Variants in MYO16 observed in about 807,000 individuals in gnomAD.
MYO16 encodes the protein unconventional myosin-XVI.
MYO16 carries 94 observed loss-of-function variants against 205.3 expected under a neutral mutation model. That is an observed-to-expected ratio of 0.46 (90% CI 0.39 to 0.54). MYO16 has a LOEUF of 0.54. Ranked by LOEUF, MYO16 falls within the 20% of genes least tolerant of loss-of-function variation. MYO16 has a pLI of 0.00. For synonymous variants in MYO16, 988 were observed against 954.0 expected (o/e 1.04, Z -0.66); for missense variants, 2,315 against 2,387.5 (o/e 0.97, Z 0.63).
chr13:108,613,064 G>A (rs1462786156), intron 1 of MYO16, among the ~76,000 whole-genome samples: 2 of 152,224 alleles, frequency 1.3e-5, no homozygotes, highest in South Asian at 4.1e-4. Context: ...GTAAAATAAA[G>A]TTTATGGCTT....
the MYO16 span, among the ~76,000 whole-genome samples, chr13:108,582,966 A>G: frequency 2.0e-5 from 3 of 152,218 alleles, 1 homozygote; most frequent in Non-Finnish European, 4.4e-5. Context: ...TTGTAATATT[A>G]TTATAATATT....
At position 108,766,632 on chromosome 13, in the gene MYO16, G is replaced by C. The variant is rs148823218; in HGVS notation, c.508-19003G>C. Among the ~76,000 whole-genome samples the C allele has an allele frequency of 7.1e-4, 108 of 152,314 alleles. 1 individual carries two copies. Among genetic ancestry groups the C allele is most frequent in the African/African-American group, 2.4e-3 (101 of 41,572 alleles). ...AATGTAACATTTTACAAGGCAGAGC[G>C]GGTAAATAGCGCCCAACAAGATGTG... On this transcript the variant is annotated intron_variant, in intron 4 of 34. Transcript: ENST00000457511.
chr13:108,939,558 C>T lies in MYO16; in HGVS notation c.1926-18130C>T, dbSNP rs569746961. 9.2e-5 allele frequency among the ~76,000 whole-genome samples: 14 copies of T among 152,226 alleles called. No individual in the cohort carries two copies. The South Asian group carries it at 2.9e-3, about 32-fold the overall frequency. On this transcript the variant is annotated intron_variant, in intron 16 of 34. Transcript: ENST00000457511. ...TCCTTCTGTACTATCTTGCTATTTC[C>T]AGGTGGCTGAGGCACACTGAATGCC...
At position 109,141,689 on chromosome 13, in the gene MYO16, T is replaced by C. The variant is rs193048257; in HGVS notation, c.5164+313T>C. Among the ~76,000 whole-genome samples the C allele has an allele frequency of 6.0e-4, 92 of 152,322 alleles. 1 individual carries two copies. In the East Asian group the frequency reaches 0.017, roughly 28 times the overall value. ...AGCAAGGTTAAATGTTAGCTACTAA[T>C]TTCTTTTTTTAAAAAAATATTTTTT... On this transcript the variant is annotated intron_variant, in intron 32 of 34. Transcript: ENST00000457511. This position sits in a 1 kb window ranked among gnomAD's most constrained non-coding sequence, Gnocchi z 4.1.
chr13:108,764,389 T>C (rs934306578), intron 4 of MYO16, among the ~76,000 whole-genome samples: 1 of 152,194 alleles, frequency 6.6e-6, no homozygotes, highest in Admixed American at 6.5e-5. Flanking sequence ...AAGGGCTGTA[T>C]ATCCTCAGAG....
intron 3 of MYO16, among the ~76,000 whole-genome samples, chr13:108,715,166 C>T (rs1409177386): frequency 6.6e-6 from 1 of 152,224 alleles, no homozygotes; most frequent in Non-Finnish European, 1.5e-5. Context: ...TCTGCTGACA[C>T]CGGCCACCTT....
intron 2 of MYO16, among the ~76,000 whole-genome samples, chr13:108,691,017 GTAGATGTAGGTTTTGA>G (rs1371551071): frequency 4.6e-5 from 7 of 152,202 alleles, no homozygotes; most frequent in African/African-American, 1.7e-4. Flanking sequence ...GATTCTTATG[GTAGATGTAGGTTTTGA>G]TTAATTTTAA....
chr13:108,646,114 C>T (rs140974007), intron 1 of MYO16, among the ~76,000 whole-genome samples: 1 of 152,282 alleles, frequency 6.6e-6, no homozygotes, highest in African/African-American at 2.4e-5. Flanking sequence ...CACATGTCTG[C>T]ATGAGGAGAA....
At chr13:108,833,148 A>C (rs1441314376) in intron 9 of MYO16, among the ~76,000 whole-genome samples, 7 of 152,146 alleles carry the variant, frequency 4.6e-5, no homozygotes, top group Admixed American at 4.6e-4. Context: ...CTGTTAGATT[A>C]ATATGTCTCA....
intron 34 of MYO16, among the ~76,000 whole-genome samples, chr13:109,205,081 T>G (rs1006644162): frequency 3.3e-5 from 5 of 152,126 alleles, no homozygotes; most frequent in Non-Finnish European, 7.4e-5. Flanking sequence ...AGAGGCCCAC[T>G]CTGCTCTGCA....
intron 16 of MYO16, among the ~76,000 whole-genome samples, chr13:108,932,292 A>C (rs1282941125): frequency 6.6e-6 from 1 of 152,020 alleles, no homozygotes; most frequent in African/African-American, 2.4e-5. Flanking sequence ...GTATATGTGA[A>C]GTAATTGAGC....
Position 108,945,504 on chromosome 13 carries a change from A to C in MYO16, c.1926-12184A>C, listed in dbSNP as rs573994432. Among the ~76,000 whole-genome samples the C allele has an allele frequency of 6.6e-5, 10 of 152,310 alleles. No individual in the cohort carries two copies. In the South Asian group the frequency reaches 1.9e-3, roughly 28 times the overall value. ...GAAATTATTTTTAAAATAGGAGCCAAATCCTATGCAATAGAACATTAGGTG... is the reference window on the plus strand; with the variant it reads ...GAAATTATTTTTAAAATAGGAGCCACATCCTATGCAATAGAACATTAGGTG... On this transcript the variant is annotated intron_variant, in intron 16 of 34. Coordinates refer to ENST00000457511, the MANE Select transcript of MYO16 (RefSeq NM_001198950.3).
chr13:108,643,606 C>T (rs1288917360), intron 1 of MYO16, among the ~76,000 whole-genome samples: 1 of 152,162 alleles, frequency 6.6e-6, no homozygotes. Context: ...TGGCAATCAT[C>T]CATGTTGATG....
chr13:108,557,489 C>CA, the MYO16 span, among the ~76,000 whole-genome samples: 4 of 152,122 alleles, frequency 2.6e-5, no homozygotes, highest in South Asian at 4.1e-4. Context: ...ATAACTGAAA[C>CA]AAAAGTTTCA....
chr13:108,842,127 G>A (rs1877274659), intron 9 of MYO16, among the ~76,000 whole-genome samples: 1 of 151,848 alleles, frequency 6.6e-6, no homozygotes, highest in East Asian at 1.9e-4. Flanking sequence ...AAAAAATCAA[G>A]AAGCTCCTCA....
At position 108,746,118 on chromosome 13, in the gene MYO16, G is replaced by A. The variant is rs540514178; in HGVS notation, c.507+18535G>A. On this transcript the variant is annotated intron_variant, in intron 4 of 34. Transcript: ENST00000457511. ...TGAGGCAGGAGAATGGCATGAACCC[G>A]GGAGGTGGGGCTTGCAGTGAGCCGA... Among the ~76,000 whole-genome samples, 307 of 152,240 alleles carry A rather than the reference G, an allele frequency of 2.0e-3. 3 individuals carry two copies. Among genetic ancestry groups the A allele is most frequent in the South Asian group, 0.018 (86 of 4,822 alleles).
the MYO16 span, among the ~76,000 whole-genome samples, chr13:108,528,570 TCCC>T: frequency 1.7e-5 from 2 of 118,524 alleles, no homozygotes; most frequent in African/African-American, 7.1e-5. Context: ...TCCTCTCCTC[TCCC>T]CTCCCCTCCC....
intron 2 of MYO16, among the ~76,000 whole-genome samples, chr13:108,671,405 T>G (rs970346271): frequency 6.6e-6 from 1 of 152,204 alleles, no homozygotes; most frequent in African/African-American, 2.4e-5. Flanking sequence ...CAAAAATTTC[T>G]GAAGATATCG....
intron 23 of MYO16, among the ~76,000 whole-genome samples, chr13:109,025,070 G>A (rs1362383983): frequency 1.3e-5 from 2 of 152,040 alleles, no homozygotes; most frequent in African/African-American, 2.4e-5. Context: ...CAATGGCCCT[G>A]GGGTTCTTGG....
Sources: gnomAD v4.1 joint callset for allele counts (sites outside exome capture counted in the v4.1 genomes callset) on GRCh38, gnomAD v4.1.1 for gene constraint, Gnocchi (gnomAD v3.1) non-coding constraint, MANE v1.5 for transcripts, NCBI Gene and HGNC (gene_info 2026-07-23, HGNC 2026-07-21) for gene names.